AUTS2: variants seen among roughly 807,000 people sequenced by gnomAD.
AUTS2 encodes the protein autism susceptibility gene 2 protein.
A neutral mutation model predicts 112.4 loss-of-function variants in AUTS2; 17 were observed. That is an observed-to-expected ratio of 0.15 (90% CI 0.10 to 0.23). The LOEUF is 0.23. Among genes scored for constraint, AUTS2 ranks in the 10% least tolerant of loss-of-function variants. The probability of loss-of-function intolerance (pLI) is 1.00; values close to 1 mark genes in which losing one functional copy is unlikely to be tolerated. For missense variants in AUTS2, 1,510 were observed against 1,701.6 expected (o/e 0.89, Z 1.98); for synonymous variants, 751 against 702.7 (o/e 1.07, Z -1.09).
At chr7:70,127,463 C>G (rs986847425) in intron 3 of AUTS2, among the ~76,000 whole-genome samples, 1 of 152,086 alleles carries the variant, frequency 6.6e-6, no homozygotes, top group African/African-American at 2.4e-5. Context: ...TTTTTTCTTT[C>G]TTTGTTTTTC....
intron 15 of AUTS2, 190 bp downstream of exon 15, chr7:70,781,946 A>G (rs1282202380): frequency 1.5e-6 from 1 of 654,026 alleles, no homozygotes; most frequent in Non-Finnish European, 2.5e-6. Context: ...CTCTTTCATT[A>G]AAGGAGGAGG....
At chr7:70,789,024 C>G (rs1266571258) in intron 18 of AUTS2, among the ~76,000 whole-genome samples, 2 of 152,150 alleles carry the variant, frequency 1.3e-5, no homozygotes, top group Admixed American at 6.5e-5. Context: ...TTTCAATGTC[C>G]CCATGAGGTT....
chr7:69,851,980 CTTA>C (rs1356270162), intron 1 of AUTS2, among the ~76,000 whole-genome samples: 1 of 152,004 alleles, frequency 6.6e-6, no homozygotes, highest in Non-Finnish European at 1.5e-5. Context: ...CTTTTATTGC[CTTA>C]TTATGCTGGT....
chr7:69,648,130 A>G (rs1187495783), intron 1 of AUTS2, among the ~76,000 whole-genome samples: 2 of 152,190 alleles, frequency 1.3e-5, no homozygotes, highest in African/African-American at 2.4e-5. Context: ...ACAGAGTTCT[A>G]CTTTGAAAAG....
chr7:70,771,656 C>T lies in AUTS2; in HGVS notation c.1830+12C>T. The T allele has an allele frequency of 1.2e-6, 2 of 1,610,678 alleles. No homozygotes were observed. The highest frequency in any genetic ancestry group is 1.1e-5 in the South Asian group (1 of 90,908). ...CATTTCAGCCGAAGGTAAGAAACCT[C>T]ACAGTGAAAACACACAGGCATGTGT... On this transcript the variant is annotated intron_variant, in intron 11 of 18. Transcript: ENST00000342771.
chr7:69,785,829 TTTG>T (rs1789346142), intron 1 of AUTS2, among the ~76,000 whole-genome samples: 1 of 152,098 alleles, frequency 6.6e-6, no homozygotes, highest in African/African-American at 2.4e-5. Context: ...GATTGGTTTT[TTTG>T]TTGTTGTTTG....
intron 1 of AUTS2, 35 bp from the exon 2 acceptor site, chr7:69,899,251 C>A (rs906694067): frequency 6.5e-7 from 1 of 1,535,308 alleles, no homozygotes; most frequent in South Asian, 1.1e-5. Flanking sequence ...ACCTTTGTAA[C>A]CACCACTTCC....
chr7:70,436,818 T>A (rs1396468356), intron 5 of AUTS2: 1 of 152,250 alleles, frequency 6.6e-6, no homozygotes, highest in Non-Finnish European at 1.5e-5. Context: ...TGTTCTGTAC[T>A]GTCGTTAATT....
chr7:70,639,708 C>G (rs1373296585), intron 5 of AUTS2, among the ~76,000 whole-genome samples: 1 of 150,348 alleles, frequency 6.7e-6, no homozygotes, highest in African/African-American at 2.5e-5. Context: ...CTTAAGCACG[C>G]CCTTACATTT....
chr7:70,162,939 T>C (rs1808170613), intron 4 of AUTS2, among the ~76,000 whole-genome samples: 1 of 152,206 alleles, frequency 6.6e-6, no homozygotes, highest in Admixed American at 6.5e-5. Flanking sequence ...GATACTGAAT[T>C]GAACGACTTA....
intron 2 of AUTS2, among the ~76,000 whole-genome samples, chr7:69,913,901 C>A (rs887623847): frequency 3.3e-5 from 5 of 152,128 alleles, no homozygotes; most frequent in African/African-American, 9.7e-5. Context: ...ACACCTTATG[C>A]TATCCTCTTT....
chr7:70,774,173 C>T, intron 12 of AUTS2, 74 bp downstream of exon 12: 2 of 1,381,568 alleles, frequency 1.4e-6, no homozygotes, highest in South Asian at 1.2e-5. Flanking sequence ...CAGCCCAGTG[C>T]TCGCATCTTC....
chr7:70,540,835 T>G (rs1297742324), intron 5 of AUTS2, among the ~76,000 whole-genome samples: 3 of 152,160 alleles, frequency 2.0e-5, no homozygotes, highest in South Asian at 4.1e-4. Context: ...AACGTCAGAG[T>G]TGATTAGCAC....
At chr7:70,392,834 C>T (rs115086156) in intron 4 of AUTS2, among the ~76,000 whole-genome samples, 5 of 152,208 alleles carry the variant, frequency 3.3e-5, no homozygotes, top group Admixed American at 3.3e-4. Context: ...TCTAAACAAA[C>T]TGAGTACAGT....
chr7:70,667,827 T>C (rs1227999592), intron 5 of AUTS2, among the ~76,000 whole-genome samples: 1 of 152,262 alleles, frequency 6.6e-6, no homozygotes, highest in African/African-American at 2.4e-5. Flanking sequence ...TTTATGTTCT[T>C]CCTCCAGAGT....
At chr7:69,683,014 A>G (rs1796871430) in intron 1 of AUTS2, among the ~76,000 whole-genome samples, 1 of 152,232 alleles carries the variant, frequency 6.6e-6, no homozygotes, top group African/African-American at 2.4e-5. Flanking sequence ...TTAATAGGCA[A>G]GAAAGAAGAA....
chr7:69,896,498 G>A (rs1049190733), intron 1 of AUTS2, among the ~76,000 whole-genome samples: 4 of 151,614 alleles, frequency 2.6e-5, no homozygotes. Flanking sequence ...GTTTCTTGCT[G>A]TTTGCTGTGA....
At chr7:70,103,431 A>AAT (rs1273542129) in intron 2 of AUTS2, among the ~76,000 whole-genome samples, 1 of 151,994 alleles carries the variant, frequency 6.6e-6, no homozygotes, top group African/African-American at 2.4e-5. Context: ...CAGTAAATAG[A>AAT]ATATTCAGTC....
At chr7:70,454,217 G>A (rs764879897) in intron 5 of AUTS2, among the ~76,000 whole-genome samples, 19 of 152,238 alleles carry the variant, frequency 1.2e-4, no homozygotes, top group East Asian at 7.7e-4. Context: ...GGAAGGTAAC[G>A]CTGTTTTTTA....
Sources: gnomAD v4.1 joint callset for allele counts (sites outside exome capture counted in the v4.1 genomes callset) on GRCh38, gnomAD v4.1.1 for gene constraint, MANE v1.5 for transcripts, NCBI Gene and HGNC (gene_info 2026-07-23, HGNC 2026-07-21) for gene names.